Variants in TMEM232 observed in about 807,000 individuals in gnomAD.
The protein encoded by TMEM232 is transmembrane protein 232.
In TMEM232, 80 loss-of-function variants were observed where a neutral mutation model predicts 78.8. The observed-to-expected ratio is 1.01, with a 90% CI of 0.85 to 1.22. The LOEUF (loss-of-function observed/expected upper bound fraction) is 1.22, where lower values mean the gene tolerates loss of function less well. TMEM232 is among the 50% of genes most tolerant of loss of function. The pLI is 0.00. For synonymous variants in TMEM232, 297 were observed against 254.3 expected (o/e 1.17, Z -1.60); for missense variants, 881 against 742.2 (o/e 1.19, Z -2.17).
chr5:110,668,158 T>A (rs764037520), intron 1 of TMEM232, among the ~76,000 whole-genome samples: 2 of 152,096 alleles, frequency 1.3e-5, no homozygotes, highest in African/African-American at 2.4e-5. Flanking sequence ...GGTACCTGAA[T>A]GAAAGAATTC....
At chr5:110,406,646 T>C (rs918150445) in intron 2 of TMEM232, among the ~76,000 whole-genome samples, 2 of 152,054 alleles carry the variant, frequency 1.3e-5, no homozygotes, top group Non-Finnish European at 2.9e-5. Context: ...TTTCAAGGTA[T>C]GAACCCACTG....
intron 1 of TMEM232, among the ~76,000 whole-genome samples, chr5:110,725,995 G>C (rs898957990): frequency 6.6e-6 from 1 of 151,894 alleles, no homozygotes; most frequent in Non-Finnish European, 1.5e-5. Flanking sequence ...TCTTACTACA[G>C]TCTTATCCCC....
intron 12 of TMEM232, among the ~76,000 whole-genome samples, chr5:110,466,039 A>G (rs1378244390): frequency 1.3e-5 from 2 of 152,308 alleles, no homozygotes; most frequent in South Asian, 2.1e-4. Context: ...TATATACAAA[A>G]TAATATTGAT....
chr5:110,719,104 G>T (rs1460547618), intron 1 of TMEM232, among the ~76,000 whole-genome samples: 2 of 151,776 alleles, frequency 1.3e-5, no homozygotes, highest in Admixed American at 1.3e-4. Flanking sequence ...AGTCTTATGG[G>T]ACCACTGTCA....
intron 1 of TMEM232, among the ~76,000 whole-genome samples, chr5:110,716,562 G>C (rs2150331903): frequency 6.6e-6 from 1 of 152,220 alleles, no homozygotes; most frequent in East Asian, 1.9e-4. Context: ...ACTCCTATGA[G>C]AATCTAATGC....
chr5:110,421,921 A>C (rs916115999), intron 13 of TMEM232, among the ~76,000 whole-genome samples: 15 of 152,176 alleles, frequency 9.9e-5, no homozygotes, highest in Non-Finnish European at 7.4e-5. Flanking sequence ...TTAAGGCTGT[A>C]TTTCTAAACA....
intron 5 of TMEM232, among the ~76,000 whole-genome samples, chr5:110,635,554 A>G (rs565368361): frequency 6.6e-6 from 1 of 152,080 alleles, no homozygotes; most frequent in Admixed American, 6.6e-5. Flanking sequence ...AAACATGATA[A>G]ATCACAACAG....
chr5:110,693,145 C>A (rs1794341152), intron 1 of TMEM232, among the ~76,000 whole-genome samples: 1 of 152,166 alleles, frequency 6.6e-6, no homozygotes, highest in South Asian at 2.1e-4. Context: ...TTGCGGTTCA[C>A]CAATATCCAC....
intron 1 of TMEM232, among the ~76,000 whole-genome samples, chr5:110,676,800 C>T (rs1307152006): frequency 6.7e-6 from 1 of 149,938 alleles, no homozygotes; most frequent in Non-Finnish European, 1.5e-5. Flanking sequence ...ACTCTGTTGC[C>T]CAGGCTGGAG....
intron 1 of TMEM232, among the ~76,000 whole-genome samples, chr5:110,704,608 AT>A (rs1192383237): frequency 6.6e-6 from 1 of 152,048 alleles, no homozygotes; most frequent in Non-Finnish European, 1.5e-5. Flanking sequence ...AATCTAATTA[AT>A]ATGGAAGTAG....
chr5:110,403,745 A>G (rs1454502400), intron 2 of TMEM232, among the ~76,000 whole-genome samples: 1 of 152,010 alleles, frequency 6.6e-6, no homozygotes, highest in Non-Finnish European at 1.5e-5. Flanking sequence ...TTTGAAAATC[A>G]GTAAGCCAGA....
intron 1 of TMEM232, among the ~76,000 whole-genome samples, chr5:110,695,777 C>G (rs1256473061): frequency 1.3e-5 from 2 of 152,068 alleles, no homozygotes; most frequent in African/African-American, 4.8e-5. Flanking sequence ...CTGAATAGAC[C>G]AATAACAGGC....
chr5:110,605,101 C>G lies in TMEM232; in HGVS notation c.1276+8G>C, dbSNP rs1316679984. ...ATTACTCATCAAAGTAAAAAACAATCTACTTACAGTTCTCTGACATTTTTG... is the reference window on the plus strand; with the variant it reads ...ATTACTCATCAAAGTAAAAAACAATGTACTTACAGTTCTCTGACATTTTTG... On this transcript the variant is annotated splice_region_variant and intron_variant, in intron 10 of 13. Transcript: ENST00000455884. The G allele has an allele frequency of 2.0e-6, 3 of 1,526,742 alleles. No homozygotes were observed. Among genetic ancestry groups the G allele is most frequent in the Non-Finnish European group, 2.6e-6 (3 of 1,133,542 alleles). The allele number at this position is 1,526,742 out of a possible 1,614,324, so 94.6% of individuals were successfully genotyped here.
intron 12 of TMEM232, among the ~76,000 whole-genome samples, chr5:110,463,910 A>T (rs1239520281): frequency 6.6e-6 from 1 of 152,202 alleles, no homozygotes; most frequent in Non-Finnish European, 1.5e-5. Context: ...CCCCTTACAC[A>T]GGCCAGGCTG....
Position 110,393,958 on chromosome 5 carries a change from C to CAAA in TMEM232, n.391-3321_391-3319dup, listed in dbSNP as rs201803686. ...AGGTGACAAGAGTGAAACTTCATCT[C>CAAA]AAAAAAAAAAAAAAAAAAGGAAAAT... is the stretch of plus-strand genomic sequence containing the variant. On this transcript the variant is annotated intron_variant and non_coding_transcript_variant, in intron 3 of 8. Coordinates refer to the TMEM232 transcript ENST00000507188. Among the ~76,000 whole-genome samples, 598 of 60,738 alleles carry CAAA rather than the reference C, an allele frequency of 9.8e-3. 16 individuals are homozygous for CAAA. The highest frequency in any genetic ancestry group is 0.051 in the Admixed American group (286 of 5,632). 39.8% of individuals were successfully genotyped at this position (60,738 alleles called of 152,430 possible).
upstream of TMEM232, among the ~76,000 whole-genome samples, chr5:110,727,735 T>C (rs1277063350): frequency 6.6e-6 from 1 of 152,256 alleles, no homozygotes; most frequent in Non-Finnish European, 1.5e-5. Flanking sequence ...GTTTTTTTGT[T>C]TTTTGAGTGC....
intron 12 of TMEM232, among the ~76,000 whole-genome samples, chr5:110,483,593 C>CTGTT (rs575503741): frequency 1.1e-4 from 16 of 151,524 alleles, no homozygotes; most frequent in African/African-American, 3.9e-4. Context: ...ACACCGCGGC[C>CTGTT]TGTTGTGGGG....
intron 11 of TMEM232, among the ~76,000 whole-genome samples, chr5:110,545,902 G>A (rs1384642058): frequency 6.6e-6 from 1 of 152,088 alleles, no homozygotes; most frequent in Non-Finnish European, 1.5e-5. Flanking sequence ...TGCCTATACA[G>A]AAAAACCTTG....
At chr5:110,502,445 A>C (rs2149445405) in intron 12 of TMEM232, among the ~76,000 whole-genome samples, 1 of 152,362 alleles carries the variant, frequency 6.6e-6, no homozygotes, top group African/African-American at 2.4e-5. Flanking sequence ...TTTCAAGACC[A>C]GTTTTAAATC....
Sources: allele counts gnomAD v4.1 joint callset (sites outside exome capture counted in the v4.1 genomes callset), GRCh38; gene constraint gnomAD v4.1.1; transcripts MANE v1.5; gene names NCBI Gene and HGNC (gene_info 2026-07-23, HGNC 2026-07-21).